MOB3B: variants seen among roughly 807,000 people sequenced by gnomAD.
The protein encoded by MOB3B is MOB kinase activator 3B.
A neutral mutation model predicts 18.7 loss-of-function variants in MOB3B; 7 were observed. That is an observed-to-expected ratio of 0.37 (90% confidence interval 0.21 to 0.70). The LOEUF is 0.70. MOB3B is among the 30% of genes least tolerant of loss of function. The pLI, the probability that MOB3B is intolerant of heterozygous loss-of-function variation, is 0.52. For synonymous variants in MOB3B, 111 were observed against 99.9 expected, an observed-to-expected ratio of 1.11 and a Z score of -0.66; for missense variants, 253 against 281.3, an observed-to-expected ratio of 0.90 and a Z score of 0.72.
At chr9:27,374,064 C>A (rs79883193) in intron 2 of MOB3B, among the ~76,000 whole-genome samples, 2,081 of 152,324 alleles carry the variant, frequency 0.014, 26 homozygotes, top group Middle Eastern at 0.024. Context: ...CTATACGTCA[C>A]TTCCGTTTTC....
intron 1 of MOB3B, among the ~76,000 whole-genome samples, chr9:27,460,389 C>T (rs1011063020): frequency 4.6e-5 from 7 of 152,196 alleles, no homozygotes; most frequent in Admixed American, 2.0e-4. Context: ...AGAGAGAATT[C>T]GGCTGGGCTG....
chr9:27,477,781 G>A (rs1459712563), intron 1 of MOB3B, among the ~76,000 whole-genome samples: 1 of 152,204 alleles, frequency 6.6e-6, no homozygotes, highest in Non-Finnish European at 1.5e-5. Flanking sequence ...AAGAATGAGA[G>A]CAAATACTGC....
At chr9:27,404,583 C>T (rs1391491298) in intron 2 of MOB3B, among the ~76,000 whole-genome samples, 1 of 151,838 alleles carries the variant, frequency 6.6e-6, no homozygotes, top group African/African-American at 2.4e-5. Context: ...GTCTTGAACT[C>T]CTGACCTCAG....
Position 27,339,205 on chromosome 9 carries a change from C to G in MOB3B, c.622-8589G>C, listed in dbSNP as rs571703156. On this transcript the variant is annotated intron_variant, in intron 3 of 3. Coordinates refer to ENST00000262244, the MANE Select transcript of MOB3B (RefSeq NM_024761.5). Reference sequence around the variant, plus strand: ...TGTTTTCAGAGGAGGGTAAAGGGACCAGGAGTCAATGGTGGAATCCTTAGG... The same window carrying G: ...TGTTTTCAGAGGAGGGTAAAGGGACGAGGAGTCAATGGTGGAATCCTTAGG... 2.6e-5 allele frequency among the ~76,000 whole-genome samples: 4 copies of G among 152,294 alleles called. No individual in the cohort carries two copies. In the South Asian group the frequency reaches 8.3e-4, roughly 32 times the overall value.
At chr9:27,420,788 T>TG (rs1439208954) in intron 2 of MOB3B, among the ~76,000 whole-genome samples, 2 of 147,750 alleles carry the variant, frequency 1.4e-5, no homozygotes, top group African/African-American at 5.0e-5. Context: ...TTCAGGGACC[T>TG]GGGGGGAAGA....
At chr9:27,425,170 G>T (rs10812592) in intron 2 of MOB3B, among the ~76,000 whole-genome samples, 81,040 of 151,704 alleles carry the variant, frequency 0.53, 22,148 homozygotes, top group Non-Finnish European at 0.58. Flanking sequence ...GAGGTCAGGA[G>T]TTCAAGACCA....
At chr9:27,441,192 AC>A in intron 2 of MOB3B, among the ~76,000 whole-genome samples, 1 of 152,338 alleles carries the variant, frequency 6.6e-6, no homozygotes, top group East Asian at 1.9e-4. Flanking sequence ...CTAAGCACTT[AC>A]CATGCACTGT....
intron 1 of MOB3B, among the ~76,000 whole-genome samples, chr9:27,492,342 A>C (rs1417968634): frequency 6.6e-6 from 1 of 152,198 alleles, no homozygotes; most frequent in African/African-American, 2.4e-5. Flanking sequence ...AAATAGAAAA[A>C]ACTTGACAAG....
At chr9:27,487,603 A>C (rs553190239) in intron 1 of MOB3B, among the ~76,000 whole-genome samples, 1 of 152,082 alleles carries the variant, frequency 6.6e-6, no homozygotes, top group Non-Finnish European at 1.5e-5. Flanking sequence ...GTAATAAACT[A>C]GATAGGTACA....
chr9:27,445,198 T>G (rs1332355297), intron 2 of MOB3B, among the ~76,000 whole-genome samples: 1 of 152,224 alleles, frequency 6.6e-6, no homozygotes, highest in Admixed American at 6.5e-5. Context: ...TTTTTCAGCA[T>G]TTAATTCTCT....
intron 2 of MOB3B, among the ~76,000 whole-genome samples, chr9:27,415,932 C>G (rs1476942809): frequency 1.3e-5 from 2 of 152,138 alleles, no homozygotes; most frequent in Non-Finnish European, 2.9e-5. Context: ...TTAGTTAGTT[C>G]ACACAGACAT....
rs185317023 is a variant in MOB3B, at chr9:27,415,912, G to A, written c.418+39221C>T. Among the ~76,000 whole-genome samples the A allele has an allele frequency of 3.0e-4, 46 of 152,262 alleles. No homozygotes were observed. In the East Asian group the frequency reaches 5.2e-3, roughly 17 times the overall value. On this transcript the variant is annotated intron_variant, in intron 2 of 3. Coordinates refer to ENST00000262244, the MANE Select transcript of MOB3B (RefSeq NM_024761.5). ...TAGATTTCAATATGGGGTTTCGTGC[G>A]TGTATTTATTTAGTTAGTTCACACA...
At chr9:27,388,365 A>T (rs1457998021) in intron 2 of MOB3B, among the ~76,000 whole-genome samples, 4 of 152,168 alleles carry the variant, frequency 2.6e-5, no homozygotes. Context: ...CCAAGCACCC[A>T]TACAGCTTTC....
At chr9:27,395,088 G>A (rs1013723713) in intron 2 of MOB3B, among the ~76,000 whole-genome samples, 3 of 152,176 alleles carry the variant, frequency 2.0e-5, no homozygotes, top group African/African-American at 7.2e-5. Context: ...TACTTTGTTT[G>A]GGGGGTGGAG....
chr9:27,341,340 A>G (rs7041639), intron 3 of MOB3B, among the ~76,000 whole-genome samples: 21,890 of 152,208 alleles, frequency 0.14, 2,006 homozygotes, highest in African/African-American at 0.27. Flanking sequence ...TGGGAAAACA[A>G]AGGATTCCAT....
intron 1 of MOB3B, among the ~76,000 whole-genome samples, chr9:27,500,345 C>T (rs1165883669): frequency 2.0e-5 from 3 of 152,106 alleles, no homozygotes; most frequent in Non-Finnish European, 4.4e-5. Flanking sequence ...AGTGTCCTCA[C>T]TTAGACAAAA....
chr9:27,483,129 T>TC (rs1481779393), intron 1 of MOB3B, among the ~76,000 whole-genome samples: 6 of 131,118 alleles, frequency 4.6e-5, no homozygotes, highest in African/African-American at 1.8e-4. Context: ...ACGGTACTTT[T>TC]TTTTTTTTTT....
intron 3 of MOB3B, among the ~76,000 whole-genome samples, chr9:27,350,168 T>C (rs1170365498): frequency 1.3e-5 from 2 of 151,884 alleles, no homozygotes; most frequent in Non-Finnish European, 2.9e-5. Flanking sequence ...TAAAGTTTGA[T>C]TTTTCTGATT....
intron 3 of MOB3B, among the ~76,000 whole-genome samples, chr9:27,352,625 C>A (rs1326288096): frequency 6.6e-6 from 1 of 152,126 alleles, no homozygotes; most frequent in African/African-American, 2.4e-5. Flanking sequence ...AGTTTCACTT[C>A]CTTCCCACCT....
Sources: allele counts gnomAD v4.1 joint callset (sites outside exome capture counted in the v4.1 genomes callset), GRCh38; gene constraint gnomAD v4.1.1; transcripts MANE v1.5; gene names NCBI Gene and HGNC (gene_info 2026-07-23, HGNC 2026-07-21).